Variants in KDM4B observed in about 807,000 individuals in gnomAD.
KDM4B encodes the protein lysine-specific demethylase 4B.
KDM4B carries 32 observed loss-of-function variants against 125.2 expected under a neutral mutation model. That is an observed-to-expected ratio of 0.26 (90% confidence interval 0.19 to 0.34). The LOEUF (loss-of-function observed/expected upper bound fraction) is 0.34. Among genes scored for constraint, KDM4B ranks in the 10% least tolerant of loss-of-function variants. The pLI is 1.00. For synonymous variants in KDM4B, 721 were observed against 677.9 expected (o/e 1.06, Z -0.99); for missense variants, 1,190 against 1,577.7 (o/e 0.75, Z 4.16).
intron 1 of KDM4B, among the ~76,000 whole-genome samples, chr19:4,984,581 C>T (rs186280414): frequency 1.9e-4 from 29 of 152,264 alleles, no homozygotes; most frequent in Admixed American, 1.8e-3. Flanking sequence ...CTGTTCCGTA[C>T]GCCTCGTCAG....
chr19:5,098,203 G>C (rs565994198), intron 9 of KDM4B, among the ~76,000 whole-genome samples: 10 of 152,346 alleles, frequency 6.6e-5, no homozygotes, highest in Non-Finnish European at 1.0e-4. Context: ...CAGCAGGGGG[G>C]ACTCGGCCTC....
At chr19:5,131,037 C>A in intron 11 of KDM4B, 39 bp from the exon 12 acceptor site, 1 of 1,424,292 alleles carries the variant, frequency 7.0e-7, no homozygotes, top group Non-Finnish European at 9.4e-7. Context: ...CACTTGAGCC[C>A]GGGTTCTCCT....
intron 2 of KDM4B, among the ~76,000 whole-genome samples, chr19:5,026,862 T>C (rs2036294878): frequency 6.6e-6 from 1 of 151,682 alleles, no homozygotes; most frequent in Non-Finnish European, 1.5e-5. Context: ...GGTGTCCCCA[T>C]AGGAGCTGAC....
At chr19:5,018,746 A>G (rs1305653582) in intron 2 of KDM4B, among the ~76,000 whole-genome samples, 1 of 152,164 alleles carries the variant, frequency 6.6e-6, no homozygotes, top group Non-Finnish European at 1.5e-5. Flanking sequence ...CCCCAAAACC[A>G]GGCATCTCCT....
At chr19:5,131,595 C>T (rs1230657119) in intron 12 of KDM4B, 50 bp downstream of exon 12, 1 of 181,614 alleles carries the variant, frequency 5.5e-6, no homozygotes. Flanking sequence ...TGGGGTGGGG[C>T]AGGGGAGGAG....
chr19:5,121,731 C>G (rs892853198), intron 11 of KDM4B, among the ~76,000 whole-genome samples: 1 of 152,102 alleles, frequency 6.6e-6, no homozygotes, highest in African/African-American at 2.4e-5. Flanking sequence ...TAGGAGAGCT[C>G]TTAAGCGGAC....
chr19:5,113,826 G>A lies in KDM4B; in HGVS notation c.1115+3008G>A, dbSNP rs150025340. 376 of 941,306 alleles carry A rather than the reference G, an allele frequency of 4.0e-4. 11 individuals are homozygous for A. In the East Asian group the frequency reaches 0.029, roughly 73 times the overall value. 58.3% of individuals were successfully genotyped at this position (941,306 alleles called of 1,614,324 possible). On this transcript the variant is annotated intron_variant, in intron 10 of 22. Transcript: ENST00000159111. The stretch of plus-strand genomic sequence containing the variant: ...GGGTGGGCGCCATGCCCTCACCCCC[G>A]TGCAGTCCAGCCTTCCCTGCCCTCG...
At chr19:5,120,545 A>G (rs956126448) in intron 11 of KDM4B, among the ~76,000 whole-genome samples, 1 of 152,064 alleles carries the variant, frequency 6.6e-6, no homozygotes, top group Admixed American at 6.5e-5. Context: ...GCAGTTGTGA[A>G]CGGGGTGCGG....
intron 1 of KDM4B, among the ~76,000 whole-genome samples, chr19:5,007,847 C>A (rs1232159811): frequency 6.6e-6 from 1 of 152,184 alleles, no homozygotes; most frequent in African/African-American, 2.4e-5. Flanking sequence ...GCTGCCATGA[C>A]CAGCCAAGTC....
intron 2 of KDM4B, among the ~76,000 whole-genome samples, chr19:5,029,930 C>G (rs573251320): frequency 6.6e-6 from 1 of 152,322 alleles, no homozygotes; most frequent in South Asian, 2.1e-4. Context: ...GGTGTCACGG[C>G]TCCACCTTCC....
chr19:5,137,648 G>A lies in KDM4B; in HGVS notation c.2413G>A (p.Gly805Ser). 1 of 1,600,090 alleles carries A rather than the reference G, an allele frequency of 6.2e-7. No individual in the cohort carries two copies. Among genetic ancestry groups the A allele is most frequent in the Non-Finnish European group, 8.5e-7 (1 of 1,177,122 alleles). Reference protein sequence around the residue: ...AECCLCNLRGGALQMTTDRRW... With the variant: ...AECCLCNLRGSALQMTTDRRW... ...GTGCTGCCTGTGCAACCTGCGAGGA[G>A]GTGCGCTGCAGATGACCACCGATAG... The change falls in exon 17 of 23, where the codon GGT becomes AGT. Residue 805 changes from glycine (G) to serine (S), a missense_variant. Physicochemically the swap from Gly to Ser is moderately conservative, Grantham distance 56. Transcript: ENST00000159111.
chr19:5,041,962 G>A (rs1008711371), intron 5 of KDM4B, among the ~76,000 whole-genome samples: 45 of 152,312 alleles, frequency 3.0e-4, no homozygotes, highest in Middle Eastern at 3.4e-3. Flanking sequence ...AGCCGAGGGC[G>A]CCGGTTTATG....
At position 5,138,232 on chromosome 19, in the gene KDM4B, G is replaced by A. The variant is rs529249064; in HGVS notation, c.2550+162G>A. On this transcript the variant is annotated intron_variant, in intron 18 of 22. Coordinates refer to ENST00000159111, the MANE Select transcript of KDM4B (RefSeq NM_015015.3). Reference sequence around the variant, plus strand: ...GAAGCCAGTGATCCCGACTTCAGCAGGTGTGTTATTTTTTGAATCCTTCCC... The same window carrying A: ...GAAGCCAGTGATCCCGACTTCAGCAAGTGTGTTATTTTTTGAATCCTTCCC... 14 of 600,668 alleles carry A rather than the reference G, an allele frequency of 2.3e-5. No individual in the cohort carries two copies. In the South Asian group the frequency reaches 2.4e-4, roughly 10 times the overall value. The allele number at this position is 600,668 out of a possible 1,614,324, so 37.2% of individuals were successfully genotyped here.
chr19:5,098,806 C>T (rs2038876858), intron 9 of KDM4B, among the ~76,000 whole-genome samples: 1 of 152,142 alleles, frequency 6.6e-6, no homozygotes, highest in African/African-American at 2.4e-5. Flanking sequence ...ATCAGGAAGT[C>T]ACCCTCACCA....
At chr19:5,146,048 C>A (rs2039836722) in intron 21 of KDM4B, among the ~76,000 whole-genome samples, 1 of 152,024 alleles carries the variant, frequency 6.6e-6, no homozygotes, top group Non-Finnish European at 1.5e-5. Context: ...CCCCGCCGTG[C>A]AGGCCGGCCC....
In KDM4B at chr19:5,077,277, G is replaced by A. The variant is rs58532252; in HGVS notation, c.677-90G>A. The A allele has an allele frequency of 1.8e-4, 200 of 1,115,712 alleles. 1 individual carries two copies. In the African/African-American group the frequency reaches 2.8e-3, roughly 15 times the overall value. 69.1% of individuals were successfully genotyped at this position (1,115,712 alleles called of 1,614,324 possible). A position where few individuals can be genotyped will look rare whatever the true frequency, so the allele number is the denominator to read the frequency against. On this transcript the variant is annotated intron_variant, in intron 7 of 22. Coordinates refer to ENST00000159111, the MANE Select transcript of KDM4B (RefSeq NM_015015.3). Reference sequence around the variant, plus strand: ...TCCCACACGCCCGCTCTCCATGGGAGGAAAGAGCCAGCCTGCCCAGAGGGC... The same window carrying A: ...TCCCACACGCCCGCTCTCCATGGGAAGAAAGAGCCAGCCTGCCCAGAGGGC...
chr19:5,070,682 T>G, intron 6 of KDM4B: 1 of 236,516 alleles, frequency 4.2e-6, no homozygotes, highest in Non-Finnish European at 8.4e-6. Context: ...TCCAATCCAA[T>G]ACTTTTGTTT....
chr19:5,048,284 G>T (rs1440704115), intron 6 of KDM4B, among the ~76,000 whole-genome samples: 1 of 152,252 alleles, frequency 6.6e-6, no homozygotes, highest in Non-Finnish European at 1.5e-5. Flanking sequence ...GAGGCCGTGT[G>T]GGGGTGTGTG....
Position 5,000,362 on chromosome 19 carries a change from C to T in KDM4B, c.-108-15895C>T, listed in dbSNP as rs139655423. Among the ~76,000 whole-genome samples, 456 of 151,764 alleles carry T rather than the reference C, an allele frequency of 3.0e-3. 1 individual carries two copies. Among genetic ancestry groups the T allele is most frequent in the Middle Eastern group, 6.8e-3 (2 of 294 alleles). On this transcript the variant is annotated intron_variant, in intron 1 of 22. Transcript: ENST00000159111. ...CCATTCACCTATCCATCCATCCAAC[C>T]GTCCATCTGTTCATTCACCTATCCA...
Sources: allele counts gnomAD v4.1 joint callset (sites outside exome capture counted in the v4.1 genomes callset), GRCh38; gene constraint gnomAD v4.1.1; transcripts MANE v1.5; gene names NCBI Gene and HGNC (gene_info 2026-07-23, HGNC 2026-07-21).